RANBP2: variants seen among roughly 807,000 people sequenced by gnomAD.
RANBP2 encodes E3 SUMO-protein ligase RanBP2.
A neutral mutation model predicts 303.6 loss-of-function variants in RANBP2; 57 were observed. That is an observed-to-expected ratio of 0.19 (90% confidence interval 0.15 to 0.23). The LOEUF is 0.23. Ranked by LOEUF, RANBP2 falls within the 10% of genes least tolerant of loss-of-function variation. The pLI is 1.00. For synonymous variants in RANBP2, 1,167 were observed against 1,301.5 expected (o/e 0.90, Z 2.23); for missense variants, 3,138 against 3,780.8 (o/e 0.83, Z 4.46).
chr2:108,828,770 A>C, the RANBP2 span, among the ~76,000 whole-genome samples: 5 of 152,170 alleles, frequency 3.3e-5, no homozygotes, highest in Non-Finnish European at 1.5e-5. Flanking sequence ...CCAGGTCAGG[A>C]GTTCGAGACC....
the RANBP2 span, among the ~76,000 whole-genome samples, chr2:109,603,007 G>A: frequency 6.6e-6 from 1 of 151,534 alleles, no homozygotes; most frequent in Non-Finnish European, 1.5e-5. Context: ...GGAGGTCAAG[G>A]CTGCAGTAAG....
chr2:109,695,988 G>C, the RANBP2 span, among the ~76,000 whole-genome samples: 1 of 150,850 alleles, frequency 6.6e-6, no homozygotes, highest in East Asian at 1.9e-4. Context: ...TTTTGAGATA[G>C]AGTCTCACTC....
rs759465379 is a variant in RANBP2 at position 108,766,821 on chromosome 2, C to T, written c.6282C>T (p.Asn2094=). Residue 2094 remains asparagine (N), a synonymous_variant, in exon 20 of 29, where the codon AAC becomes AAT. Coordinates refer to ENST00000283195, the MANE Select transcript of RANBP2 (RefSeq NM_006267.5). ...ATCATTGGATAACGACTACGATGAACCTGAAGCCTCTCTCTGGATCAGATA... is the reference window on the plus strand; with the variant it reads ...ATCATTGGATAACGACTACGATGAATCTGAAGCCTCTCTCTGGATCAGATA... The part of the protein sequence containing the change: ...CANHWITTTM[N]LKPLSGSDRA... The T allele has an allele frequency of 1.1e-5, 18 of 1,611,904 alleles. No individual in the cohort carries two copies. The highest frequency in any genetic ancestry group is 1.4e-5 in the Non-Finnish European group (17 of 1,179,864).
chr2:109,108,519 T>C, the RANBP2 span, among the ~76,000 whole-genome samples: 1 of 152,146 alleles, frequency 6.6e-6, no homozygotes, highest in Non-Finnish European at 1.5e-5. Flanking sequence ...ACCTCTGCAG[T>C]TGTGGGAGCT....
the RANBP2 span, among the ~76,000 whole-genome samples, chr2:108,849,367 T>C: frequency 3.3e-5 from 5 of 152,346 alleles, no homozygotes; most frequent in East Asian, 9.6e-4. Flanking sequence ...CATGTCCAGC[T>C]GAGCTCATGG....
chr2:109,692,187 A>C, the RANBP2 span, among the ~76,000 whole-genome samples: 13 of 152,206 alleles, frequency 8.5e-5, no homozygotes, highest in South Asian at 2.7e-3. Context: ...CAGCAGAAAA[A>C]AGCCAGACAC....
the RANBP2 span, among the ~76,000 whole-genome samples, chr2:109,186,342 G>T: frequency 6.6e-6 from 1 of 152,246 alleles, no homozygotes; most frequent in African/African-American, 2.4e-5. Flanking sequence ...AGATGAAAAT[G>T]CTGAGGCACG....
the RANBP2 span, among the ~76,000 whole-genome samples, chr2:109,687,022 A>G: frequency 2.1e-3 from 325 of 152,360 alleles, 1 homozygote; most frequent in Non-Finnish European, 3.4e-3. Context: ...AAATATGCCT[A>G]TGTAAATAAA....
At chr2:109,341,028 T>G in the RANBP2 span, among the ~76,000 whole-genome samples, 1 of 152,238 alleles carries the variant, frequency 6.6e-6, no homozygotes, top group African/African-American at 2.4e-5. Flanking sequence ...AGCTTAGTAG[T>G]GGCCTCGTCA....
intron 17 of RANBP2, among the ~76,000 whole-genome samples, chr2:108,757,665 C>T (rs1342188217): frequency 6.6e-6 from 1 of 152,074 alleles, no homozygotes; most frequent in African/African-American, 2.4e-5. Flanking sequence ...TCAGGTAGTC[C>T]AGATTGCAGT....
At chr2:108,832,691 T>C in the RANBP2 span, among the ~76,000 whole-genome samples, 1 of 152,210 alleles carries the variant, frequency 6.6e-6, no homozygotes, top group South Asian at 2.1e-4. Context: ...AGAAAATATA[T>C]GGAAAAGCCT....
chr2:109,474,859 A>G, the RANBP2 span, among the ~76,000 whole-genome samples: 2 of 152,240 alleles, frequency 1.3e-5, no homozygotes, highest in African/African-American at 4.8e-5. Flanking sequence ...ACTCACTCAT[A>G]GTCCAGCAAC....
chr2:109,424,317 A>G, the RANBP2 span, among the ~76,000 whole-genome samples: 1 of 152,218 alleles, frequency 6.6e-6, no homozygotes, highest in Admixed American at 6.5e-5. Context: ...CAGTGCAGCC[A>G]CCACAGTGAG....
the RANBP2 span, among the ~76,000 whole-genome samples, chr2:108,839,644 T>A: frequency 6.6e-6 from 1 of 152,126 alleles, no homozygotes; most frequent in Non-Finnish European, 1.5e-5. Context: ...CAATTTTAGT[T>A]GGTATTGTCT....
chr2:109,499,585 G>A, the RANBP2 span, among the ~76,000 whole-genome samples: 11 of 152,314 alleles, frequency 7.2e-5, no homozygotes, highest in East Asian at 2.1e-3. Flanking sequence ...TGGGAGTGGG[G>A]ATGGGGCCCT....
chr2:109,648,094 A>G, the RANBP2 span, among the ~76,000 whole-genome samples: 1 of 152,318 alleles, frequency 6.6e-6, no homozygotes, highest in East Asian at 1.9e-4. Flanking sequence ...CTAAGTGGCC[A>G]AGGTTGGCTT....
chr2:109,081,327 G>A, the RANBP2 span, among the ~76,000 whole-genome samples: 1 of 152,150 alleles, frequency 6.6e-6, no homozygotes, highest in Non-Finnish European at 1.5e-5. Flanking sequence ...ATATTTGGGG[G>A]AAAGGAAATA....
At chr2:109,728,292 G>A in the RANBP2 span, among the ~76,000 whole-genome samples, 1 of 152,114 alleles carries the variant, frequency 6.6e-6, no homozygotes, top group Non-Finnish European at 1.5e-5. Flanking sequence ...GAGATGAGCT[G>A]TCCTCACTAA....
At chr2:109,370,686 C>T in the RANBP2 span, among the ~76,000 whole-genome samples, 2,766 of 152,212 alleles carry the variant, frequency 0.018, 81 homozygotes, top group African/African-American at 0.057. Context: ...CTCTTGGTAC[C>T]TGTGACAGTG....
Sources: gnomAD v4.1 joint callset for allele counts (sites outside exome capture counted in the v4.1 genomes callset) on GRCh38, gnomAD v4.1.1 for gene constraint, MANE v1.5 for transcripts, NCBI Gene and HGNC (gene_info 2026-07-23, HGNC 2026-07-21) for gene names.